PHACTR1: variants seen among roughly 807,000 people sequenced by gnomAD.
PHACTR1 encodes the protein phosphatase and actin regulator 1, also known as RPEL repeat containing 1.
A neutral mutation model predicts 69.2 loss-of-function variants in PHACTR1; 16 were observed. The observed-to-expected ratio is 0.23, with a 90% confidence interval of 0.16 to 0.35. PHACTR1 has a LOEUF of 0.35. Ranked by LOEUF, PHACTR1 falls within the 10% of genes least tolerant of loss-of-function variation. The pLI, the probability that PHACTR1 is intolerant of heterozygous loss-of-function variation, is 1.00. For missense variants in PHACTR1, 510 were observed against 734.7 expected (o/e 0.69, Z 3.54); for synonymous variants, 312 against 284.5 (o/e 1.10, Z -0.97).
At chr6:12,894,424 G>A (rs1434310990) in intron 4 of PHACTR1, among the ~76,000 whole-genome samples, 1 of 152,128 alleles carries the variant, frequency 6.6e-6, no homozygotes, top group Admixed American at 6.5e-5. Flanking sequence ...GGCCAACATG[G>A]CAATACCCCA....
At chr6:13,192,440 T>C (rs1413367068) in intron 7 of PHACTR1, among the ~76,000 whole-genome samples, 1 of 152,158 alleles carries the variant, frequency 6.6e-6, no homozygotes. Flanking sequence ...GTAGGATTCT[T>C]GTGGTGTAGT....
At chr6:13,243,690 G>C (rs1410726148) in intron 10 of PHACTR1, among the ~76,000 whole-genome samples, 1 of 152,182 alleles carries the variant, frequency 6.6e-6, no homozygotes, top group East Asian at 1.9e-4. Flanking sequence ...TTGTCACCCA[G>C]GTAATAAGCA....
intron 10 of PHACTR1, among the ~76,000 whole-genome samples, chr6:13,251,927 C>T (rs1041811144): frequency 2.0e-5 from 3 of 151,574 alleles, no homozygotes; most frequent in Non-Finnish European, 2.9e-5. Context: ...TGGTGGCACA[C>T]ACCTATAGTC....
intron 5 of PHACTR1, among the ~76,000 whole-genome samples, chr6:13,069,097 A>G (rs1809113777): frequency 6.6e-6 from 1 of 152,180 alleles, no homozygotes; most frequent in Non-Finnish European, 1.5e-5. Flanking sequence ...AAGAAGCGCC[A>G]GTTAACTTTC....
At chr6:12,812,988 G>T (rs1775194970) in intron 4 of PHACTR1, among the ~76,000 whole-genome samples, 1 of 152,176 alleles carries the variant, frequency 6.6e-6, no homozygotes, top group African/African-American at 2.4e-5. Context: ...AACAGCAGAG[G>T]TGGATTTTAA....
At chr6:13,140,747 T>C (rs1822306581) in intron 5 of PHACTR1, among the ~76,000 whole-genome samples, 1 of 152,234 alleles carries the variant, frequency 6.6e-6, no homozygotes, top group Non-Finnish European at 1.5e-5. Flanking sequence ...TGCTGAACTG[T>C]GCACTTATAA....
At chr6:13,212,494 C>G (rs576010806) in intron 8 of PHACTR1, among the ~76,000 whole-genome samples, 3 of 152,284 alleles carry the variant, frequency 2.0e-5, no homozygotes, top group Admixed American at 1.3e-4. Context: ...CTTTTGCATA[C>G]TTGCATCAGG....
At chr6:12,946,200 A>C (rs1318182278) in intron 4 of PHACTR1, among the ~76,000 whole-genome samples, 1 of 151,814 alleles carries the variant, frequency 6.6e-6, no homozygotes, top group Admixed American at 6.6e-5. Flanking sequence ...AAAGATGAAA[A>C]GTGTGTAGAA....
intron 5 of PHACTR1, among the ~76,000 whole-genome samples, chr6:13,101,450 G>A (rs1176786473): frequency 1.3e-5 from 2 of 152,234 alleles, no homozygotes; most frequent in East Asian, 3.8e-4. Context: ...AGATATGGAT[G>A]TTGCTGGTCT....
chr6:12,936,689 T>C (rs767910082), intron 4 of PHACTR1, among the ~76,000 whole-genome samples: 2 of 152,242 alleles, frequency 1.3e-5, no homozygotes, highest in Non-Finnish European at 1.5e-5. Flanking sequence ...ATAGCATCTA[T>C]AGGAAATGCG....
intron 9 of PHACTR1, among the ~76,000 whole-genome samples, chr6:13,229,787 C>T (rs548968637): frequency 6.6e-5 from 10 of 152,344 alleles, no homozygotes; most frequent in East Asian, 3.9e-4. Context: ...ATGTTGCCTG[C>T]GTGCTAGACA....
intron 4 of PHACTR1, among the ~76,000 whole-genome samples, chr6:12,943,668 C>A (rs974160328): frequency 2.0e-5 from 3 of 152,160 alleles, no homozygotes; most frequent in African/African-American, 7.2e-5. Flanking sequence ...TTAAAATGCA[C>A]GTGTCCTTCT....
intron 4 of PHACTR1, among the ~76,000 whole-genome samples, chr6:12,985,614 T>A (rs553777866): frequency 1.1e-3 from 163 of 149,580 alleles, no homozygotes; most frequent in Non-Finnish European, 1.8e-3. Flanking sequence ...ATATGAAAGT[T>A]AATAGTATTT....
At chr6:12,884,818 C>T (rs892647776) in intron 4 of PHACTR1, among the ~76,000 whole-genome samples, 1 of 152,110 alleles carries the variant, frequency 6.6e-6, no homozygotes, top group Non-Finnish European at 1.5e-5. Flanking sequence ...CACACACTCA[C>T]AAACACACAC....
intron 6 of PHACTR1, among the ~76,000 whole-genome samples, chr6:13,163,916 T>G (rs1759409299): frequency 6.6e-6 from 1 of 152,200 alleles, no homozygotes; most frequent in African/African-American, 2.4e-5. Context: ...ATGCTGTGAT[T>G]GTTGGTAGTC....
At chr6:13,063,533 G>T (rs1288954297) in intron 5 of PHACTR1, among the ~76,000 whole-genome samples, 2 of 152,072 alleles carry the variant, frequency 1.3e-5, no homozygotes, top group African/African-American at 4.8e-5. Context: ...CAGCACTTTG[G>T]GAGGCCAAAG....
At chr6:13,227,731 C>A (rs1770027493) in intron 8 of PHACTR1, 85 bp from the exon 9 acceptor site, 10 of 1,514,948 alleles carry the variant, frequency 6.6e-6, no homozygotes, top group South Asian at 1.3e-5. Flanking sequence ...TAGGACTGGG[C>A]AACTGAGTTT....
At chr6:13,203,952 C>T (rs1416953244) in intron 7 of PHACTR1, among the ~76,000 whole-genome samples, 1 of 152,128 alleles carries the variant, frequency 6.6e-6, no homozygotes, top group African/African-American at 2.4e-5. Context: ...GGAGAATGGC[C>T]AAGGCCACCT....
intron 4 of PHACTR1, among the ~76,000 whole-genome samples, chr6:12,901,774 G>A (rs1369554166): frequency 6.6e-6 from 1 of 152,142 alleles, no homozygotes; most frequent in Non-Finnish European, 1.5e-5. Context: ...GAGATTACAG[G>A]GGTGAGCCAC....
Sources: allele counts gnomAD v4.1 joint callset (sites outside exome capture counted in the v4.1 genomes callset), GRCh38; gene constraint gnomAD v4.1.1; transcripts MANE v1.5; gene names NCBI Gene and HGNC (gene_info 2026-07-23, HGNC 2026-07-21).